The following STAB2 variants were observed in gnomAD, a reference collection of about 807,000 sequenced individuals.
STAB2 encodes stabilin 2.
STAB2 carries 288 observed loss-of-function variants against 338.1 expected under a neutral mutation model. That is an observed-to-expected ratio of 0.85 (90% confidence interval 0.77 to 0.94). The LOEUF (loss-of-function observed/expected upper bound fraction) is 0.94. Among genes scored for constraint, STAB2 ranks in the 40% least tolerant of loss-of-function variants. The pLI, the probability that STAB2 is intolerant of heterozygous loss-of-function variation, is 0.00. For missense variants in STAB2, 3,141 were observed against 3,210.1 expected (o/e 0.98, Z 0.52); for synonymous variants, 1,202 against 1,193.3 (o/e 1.01, Z -0.15).
intron 45 of STAB2, 45 bp from the exon 46 acceptor site, chr12:103,726,071 A>G: frequency 6.2e-7 from 1 of 1,609,048 alleles, no homozygotes. Flanking sequence ...TATTGTTCTA[A>G]TATATATTTC....
rs369288429 is a variant in STAB2 at position 103,640,255 on chromosome 12, G to T, written c.1039G>T (p.Glu347Ter). 2.5e-6 allele frequency: 4 copies of T among 1,608,810 alleles called. No homozygotes were observed. Among genetic ancestry groups the T allele is most frequent in the Non-Finnish European group, 3.4e-6 (4 of 1,176,904 alleles). ...NCTTVAPGRTECICQKGYVGD... is the reference protein window; with the variant it reads ...NCTTVAPGRT ...CACCACCGTCGCACCAGGCCGAACT[G>T]AGTAAGTCTTTTCAATTCCTCCACC... The change falls in exon 9 of 69, where the codon GAA becomes TAA. Residue 347 changes from glutamate (E) to a stop codon, truncating the protein, a stop_gained and splice_region_variant. Transcript: ENST00000388887. LOFTEE classifies it high-confidence loss of function.
intron 3 of STAB2, among the ~76,000 whole-genome samples, chr12:103,619,969 C>T (rs1345600721): frequency 3.3e-5 from 5 of 152,208 alleles, no homozygotes; most frequent in African/African-American, 7.2e-5. Context: ...GGATGTCTCT[C>T]GGGCTCCCTA....
chr12:103,667,339 G>A lies in STAB2; in HGVS notation c.2085+986G>A, dbSNP rs140304580. 4.1e-4 allele frequency among the ~76,000 whole-genome samples: 62 copies of A among 152,330 alleles called. 3 individuals carry two copies. The East Asian group carries it at 5.6e-3, about 14-fold the overall frequency. On this transcript the variant is annotated intron_variant, in intron 19 of 68. Transcript: ENST00000388887. Reference sequence around the variant, plus strand: ...GCTGGTGTCACAGTGATTGCTGTGTGCCAGACATTGTTCTAAATGCTTTAT... The same window carrying A: ...GCTGGTGTCACAGTGATTGCTGTGTACCAGACATTGTTCTAAATGCTTTAT...
At chr12:103,679,546 A>T (rs371160190) in intron 25 of STAB2, among the ~76,000 whole-genome samples, 2 of 152,126 alleles carry the variant, frequency 1.3e-5, no homozygotes, top group African/African-American at 4.8e-5. Context: ...GTCTATTTAC[A>T]GCTAGGGTAA....
intron 8 of STAB2, 144 bp from the exon 9 acceptor site, chr12:103,639,979 T>G: frequency 2.1e-6 from 2 of 935,826 alleles, no homozygotes; most frequent in Non-Finnish European, 3.1e-6. Context: ...TTTAGATACT[T>G]TGACAAATTT....
chr12:103,742,723 G>A lies in STAB2; in HGVS notation c.6031+169G>A, dbSNP rs1882686503. Among the ~76,000 whole-genome samples the A allele has an allele frequency of 2.0e-5, 3 of 152,146 alleles. No individual in the cohort carries two copies. The South Asian group carries it at 6.2e-4, about 32-fold the overall frequency. On this transcript the variant is annotated intron_variant, in intron 56 of 68. Transcript: ENST00000388887. The stretch of plus-strand genomic sequence containing the variant: ...TATTTCCTCCTTGGATGCATTCCCA[G>A]TTTCCAATGAAAAAGCTTCGCCTCT...
intron 5 of STAB2, among the ~76,000 whole-genome samples, chr12:103,626,832 T>C (rs1428796791): frequency 3.9e-5 from 6 of 152,182 alleles, no homozygotes; most frequent in African/African-American, 1.4e-4. Context: ...AGACTGCTTG[T>C]TGGTTTAGAG....
intron 37 of STAB2, 98 bp from the exon 38 acceptor site, chr12:103,706,694 A>G: frequency 1.3e-6 from 2 of 1,500,928 alleles, no homozygotes; most frequent in Non-Finnish European, 1.8e-6. Flanking sequence ...TCGAAGAAAC[A>G]GGTGCACAAG....
chr12:103,600,429 G>C (rs1956936999), intron 3 of STAB2, among the ~76,000 whole-genome samples: 1 of 152,168 alleles, frequency 6.6e-6, no homozygotes, highest in Non-Finnish European at 1.5e-5. Context: ...GATGTTTGTT[G>C]AATGAGAGAA....
At chr12:103,657,826 T>C (rs1388252061) in intron 15 of STAB2, 1 of 152,218 alleles carries the variant, frequency 6.6e-6, no homozygotes, top group African/African-American at 2.4e-5. Flanking sequence ...GGAAGCTCCT[T>C]CTGTCTCCAT....
intron 67 of STAB2, among the ~76,000 whole-genome samples, chr12:103,762,903 CTGTG>C (rs1290093878): frequency 6.6e-6 from 1 of 152,190 alleles, no homozygotes; most frequent in Non-Finnish European, 1.5e-5. Context: ...TCTTGACTGG[CTGTG>C]TAAGAATATG....
chr12:103,602,044 G>A (rs1285270555), intron 3 of STAB2, among the ~76,000 whole-genome samples: 2 of 152,148 alleles, frequency 1.3e-5, no homozygotes, highest in Non-Finnish European at 2.9e-5. Context: ...TGACAAACCT[G>A]AAGAGTTGTG....
intron 66 of STAB2, 57 bp from the exon 67 acceptor site, chr12:103,762,217 C>T: frequency 6.3e-7 from 1 of 1,598,460 alleles, no homozygotes; most frequent in Non-Finnish European, 8.5e-7. Context: ...CCAAGGGTTC[C>T]CCTTTTGGGG....
At position 103,708,470 on chromosome 12, in the gene STAB2, C is replaced by A; in HGVS notation, c.4222C>A (p.Gln1408Lys). Residue 1408 changes from glutamine (Q) to lysine (K), a missense_variant, in exon 39 of 69, where the codon CAA (glutamine) becomes AAA (lysine). Coordinates refer to ENST00000388887, the MANE Select transcript of STAB2 (RefSeq NM_017564.10). The part of the protein sequence containing the change: ...ACSCVHGRCN[Q>K]GPLGDGSCDC... ...TTCTTGTGTCCATGGGAGATGCAAC[C>A]AAGGACCCTTGGGAGATGGCTCCTG... The A allele has an allele frequency of 3.1e-6, 5 of 1,614,114 alleles. No homozygotes were observed. The East Asian group carries it at 1.1e-4, about 36-fold the overall frequency.
At chr12:103,672,346 C>G (rs1356641884) in intron 22 of STAB2, among the ~76,000 whole-genome samples, 2 of 152,186 alleles carry the variant, frequency 1.3e-5, no homozygotes, top group African/African-American at 4.8e-5. Flanking sequence ...ACAATGTTGG[C>G]ATTTGTCTGA....
Position 103,648,742 on chromosome 12 carries a change from A to G in STAB2, c.1093A>G (p.Ile365Val), listed in dbSNP as rs779757980. 1.4e-5 allele frequency: 23 copies of G among 1,614,066 alleles called. No homozygotes were observed. Among genetic ancestry groups the G allele is most frequent in the Middle Eastern group, 1.6e-4 (1 of 6,084 alleles). The change falls in exon 10 of 69, where the codon ATT becomes GTT. Residue 365 changes from isoleucine to valine, a missense_variant. Physicochemically the swap from Ile to Val is conservative, Grantham distance 29 (BLOSUM62 3). Coordinates refer to ENST00000388887, the MANE Select transcript of STAB2 (RefSeq NM_017564.10). ...VGDGLTCYGN[I>V]MERLRELNTE... ...TGATGGCTTAACGTGTTATGGAAAC[A>G]TTATGGAGCGACTCAGAGAATTAAA...
In STAB2 at chr12:103,729,080, C is replaced by T. The variant is rs189122978; in HGVS notation, c.5082+85C>T. 806 of 1,341,230 alleles carry T rather than the reference C, an allele frequency of 6.0e-4. 9 individuals carry two copies. The African/African-American group carries it at 0.011, about 18-fold the overall frequency. 83.1% of individuals were successfully genotyped at this position (1,341,230 alleles called of 1,614,324 possible). A position where few individuals can be genotyped will look rare whatever the true frequency, so the allele number is the denominator to read the frequency against. On this transcript the variant is annotated intron_variant, in intron 48 of 68. Transcript: ENST00000388887. Reference sequence around the variant, plus strand: ...GGATGGAGCTGGAGGCCATCATCCTCAGCAAACTAATGCAGGAACAGAAAA... The same window carrying T: ...GGATGGAGCTGGAGGCCATCATCCTTAGCAAACTAATGCAGGAACAGAAAA...
chr12:103,677,070 G>C (rs1021248411), intron 24 of STAB2, among the ~76,000 whole-genome samples: 1 of 152,100 alleles, frequency 6.6e-6, no homozygotes, highest in Non-Finnish European at 1.5e-5. Flanking sequence ...GTGGAGTTTG[G>C]GTTGCCACAT....
In STAB2 at chr12:103,601,408, A is replaced by G. The variant is rs976987225; in HGVS notation, c.331+6898A>G. Among the ~76,000 whole-genome samples, 4 of 152,348 alleles carry G rather than the reference A, an allele frequency of 2.6e-5. No individual in the cohort carries two copies. The South Asian group carries it at 8.3e-4, about 32-fold the overall frequency. On this transcript the variant is annotated intron_variant, in intron 3 of 68. Transcript: ENST00000388887. ...GGAGTTTGAGATCAGCCTGGCCAACATGGTAAAATTTCAGATCTACAAAAA... is the reference window on the plus strand; with the variant it reads ...GGAGTTTGAGATCAGCCTGGCCAACGTGGTAAAATTTCAGATCTACAAAAA...
Sources: gnomAD v4.1 joint callset for allele counts (sites outside exome capture counted in the v4.1 genomes callset) on GRCh38, gnomAD v4.1.1 for gene constraint, MANE v1.5 for transcripts, NCBI Gene and HGNC (gene_info 2026-07-23, HGNC 2026-07-21) for gene names.